Variants in ANXA7 observed in about 807,000 individuals in gnomAD.
ANXA7 encodes the protein annexin A7.
A neutral mutation model predicts 64.9 loss-of-function variants in ANXA7; 55 were observed. The observed-to-expected ratio is 0.85, with a 90% CI of 0.68 to 1.06. ANXA7 has a LOEUF of 1.06. Among genes scored for constraint, ANXA7 ranks in the 50% least tolerant of loss-of-function variants. The pLI is 0.00. For synonymous variants in ANXA7, 200 were observed against 192.4 expected, an observed-to-expected ratio of 1.04 and a Z score of -0.33; for missense variants, 548 against 582.1, an observed-to-expected ratio of 0.94 and a Z score of 0.60.
At chr10:73,398,057 A>T in intron 3 of ANXA7, 124 bp downstream of exon 3, 1 of 927,510 alleles carries the variant, frequency 1.1e-6, no homozygotes, top group Non-Finnish European at 1.6e-6. Context: ...GGTCCTTACT[A>T]CCTAAGGTTA....
intron 1 of ANXA7, among the ~76,000 whole-genome samples, chr10:73,411,751 A>T (rs1245347566): frequency 6.6e-6 from 1 of 152,146 alleles, no homozygotes; most frequent in Non-Finnish European, 1.5e-5. Flanking sequence ...ATTTTTAAAA[A>T]GGAGGGACAG....
chr10:73,412,238 T>C (rs1813441288), intron 1 of ANXA7, among the ~76,000 whole-genome samples: 4 of 151,612 alleles, frequency 2.6e-5, no homozygotes, highest in South Asian at 2.1e-4. Flanking sequence ...GGTTTCACCG[T>C]GTTAGTCAGG....
At chr10:73,380,257 T>C in intron 9 of ANXA7, 56 bp from the exon 10 acceptor site, 1 of 1,545,818 alleles carries the variant, frequency 6.5e-7, no homozygotes, top group Non-Finnish European at 8.7e-7. Flanking sequence ...TACTAAATTT[T>C]TTTTTTCCAA....
chr10:73,409,311 A>C (rs577102028), intron 1 of ANXA7, among the ~76,000 whole-genome samples: 5 of 152,374 alleles, frequency 3.3e-5, no homozygotes, highest in African/African-American at 1.2e-4. Context: ...TGAAATCGGT[A>C]AAGTCTCAGG....
At chr10:73,396,005 G>C in intron 5 of ANXA7, 1 of 1,258,330 alleles carries the variant, frequency 7.9e-7, no homozygotes, top group Non-Finnish European at 1.2e-6. Flanking sequence ...CACATATAAA[G>C]GACCTAGTGA....
At chr10:73,406,667 T>C (rs1168295045) in intron 1 of ANXA7, among the ~76,000 whole-genome samples, 1 of 152,136 alleles carries the variant, frequency 6.6e-6, no homozygotes, top group Non-Finnish European at 1.5e-5. Context: ...ATTCCTGGGC[T>C]CAGATGATCC....
chr10:73,393,035 A>C (rs1379519177), intron 5 of ANXA7, among the ~76,000 whole-genome samples: 1 of 152,216 alleles, frequency 6.6e-6, no homozygotes, highest in Non-Finnish European at 1.5e-5. Flanking sequence ...TGCAAAAATC[A>C]CAAGCATTCC....
Position 73,400,793 on chromosome 10 carries a change from C to A in ANXA7, c.54+10G>T, listed in dbSNP as rs371773933. 41 of 1,599,212 alleles carry A rather than the reference C, an allele frequency of 2.6e-5. No individual in the cohort carries two copies. Among genetic ancestry groups the A allele is most frequent in the Non-Finnish European group, 3.4e-5 (40 of 1,171,408 alleles). ...TTTAAGGATGTGAGGTATTAAGTGG[C>A]AATACTTACAGGATATCCAGGGAAA... On this transcript the variant is annotated intron_variant, in intron 2 of 12. Transcript: ENST00000372921.
intron 7 of ANXA7, 96 bp downstream of exon 7, chr10:73,387,593 C>T: frequency 1.1e-6 from 1 of 937,718 alleles, no homozygotes; most frequent in Non-Finnish European, 1.7e-6. Context: ...CCCTCTTTTG[C>T]ACCACAGGTA....
chr10:73,410,781 CA>C (rs536548150), intron 1 of ANXA7, among the ~76,000 whole-genome samples: 3,409 of 59,404 alleles, frequency 0.057, 87 homozygotes, highest in African/African-American at 0.11. Context: ...GACTCCATCT[CA>C]AAAAAAAAAA....
intron 5 of ANXA7, among the ~76,000 whole-genome samples, chr10:73,394,866 T>C (rs1589657146): frequency 6.6e-6 from 1 of 152,112 alleles, no homozygotes; most frequent in East Asian, 1.9e-4. Context: ...TAATAAAAAA[T>C]AAAAATAAAA....
intron 9 of ANXA7, 92 bp from the exon 10 acceptor site, chr10:73,380,293 G>T: frequency 7.7e-7 from 1 of 1,302,704 alleles, no homozygotes; most frequent in Non-Finnish European, 1.1e-6. Context: ...GATTTAAAGA[G>T]ACTATTTCTT....
At chr10:73,381,932 G>A (rs1252319213) in intron 9 of ANXA7, among the ~76,000 whole-genome samples, 1 of 151,056 alleles carries the variant, frequency 6.6e-6, no homozygotes, top group Non-Finnish European at 1.5e-5. Context: ...AGGCTGGAGT[G>A]CAATGGCACA....
intron 5 of ANXA7, among the ~76,000 whole-genome samples, chr10:73,392,635 T>C (rs918784783): frequency 1.3e-5 from 2 of 152,162 alleles, no homozygotes; most frequent in East Asian, 1.9e-4. Flanking sequence ...GAAAAGGCCT[T>C]TGACAAAATT....
chr10:73,396,855 G>A (rs2055583850), intron 4 of ANXA7, among the ~76,000 whole-genome samples: 1 of 152,114 alleles, frequency 6.6e-6, no homozygotes, highest in Non-Finnish European at 1.5e-5. Flanking sequence ...CACCTGGAAT[G>A]GTTGTCAGAA....
At chr10:73,412,357 T>G (rs1000631291) in intron 1 of ANXA7, among the ~76,000 whole-genome samples, 1 of 152,024 alleles carries the variant, frequency 6.6e-6, no homozygotes, top group East Asian at 1.9e-4. Flanking sequence ...TCAATGTACT[T>G]TAGCCCTTTT....
intron 7 of ANXA7, 52 bp downstream of exon 7, chr10:73,387,637 T>C (rs2055396713): frequency 8.1e-6 from 11 of 1,352,840 alleles, no homozygotes; most frequent in Non-Finnish European, 1.1e-5. Flanking sequence ...CTGACATGAA[T>C]GCAGAGTCTA....
rs2055560328 is a variant in ANXA7, at chr10:73,395,784, C to T, written c.435+735G>A. ...CTGGGTGCCAACAGTGAAACTCCAT[C>T]TCAAAAAAAAAAAAAAAGAAGCCAT... On this transcript the variant is annotated intron_variant, in intron 5 of 12. Coordinates refer to ENST00000372921, the MANE Select transcript of ANXA7 (RefSeq NM_001156.5). The T allele has an allele frequency of 5.9e-6, 3 of 505,684 alleles. 1 individual carries two copies. Among genetic ancestry groups the T allele is most frequent in the South Asian group, 3.5e-5 (2 of 57,766 alleles). 31.3% of individuals were successfully genotyped at this position (505,684 alleles called of 1,614,324 possible).
At chr10:73,397,585 G>A (rs2055596487) in intron 3 of ANXA7, among the ~76,000 whole-genome samples, 3 of 152,066 alleles carry the variant, frequency 2.0e-5, no homozygotes. Context: ...AGCCTCCCAG[G>A]TAGGTGGGAT....
Sources: allele counts gnomAD v4.1 joint callset (sites outside exome capture counted in the v4.1 genomes callset), GRCh38; gene constraint gnomAD v4.1.1; transcripts MANE v1.5; gene names NCBI Gene and HGNC (gene_info 2026-07-23, HGNC 2026-07-21).